Variants in EBF1 observed in about 807,000 individuals in gnomAD.
EBF1 encodes transcription factor COE1.
EBF1 carries 10 observed loss-of-function variants against 68.4 expected under a neutral mutation model. The observed-to-expected ratio is 0.15, with a 90% CI of 0.09 to 0.25. The LOEUF is 0.25. Among genes scored for constraint, EBF1 ranks in the 10% least tolerant of loss-of-function variants. The pLI is 1.00. For missense variants in EBF1, 509 were observed against 794.4 expected (o/e 0.64, Z 4.32); for synonymous variants, 298 against 299.8 (o/e 0.99, Z 0.06).
At chr5:158,720,017 G>A (rs528902119) in intron 11 of EBF1, among the ~76,000 whole-genome samples, 46 of 152,256 alleles carry the variant, frequency 3.0e-4, no homozygotes, top group African/African-American at 1.1e-3. Flanking sequence ...ACATTTCCCT[G>A]ATACCCATTT....
intron 6 of EBF1, among the ~76,000 whole-genome samples, chr5:159,064,527 C>T (rs1006037106): frequency 2.0e-5 from 3 of 152,170 alleles, no homozygotes; most frequent in African/African-American, 4.8e-5. Flanking sequence ...TATACCCCGA[C>T]GTGCTCTAAA....
intron 9 of EBF1, among the ~76,000 whole-genome samples, chr5:158,784,606 C>A (rs547831563): frequency 2.6e-5 from 4 of 152,188 alleles, no homozygotes; most frequent in African/African-American, 9.6e-5. Context: ...CAAAAAATAA[C>A]TGGGGTTACT....
intron 6 of EBF1, among the ~76,000 whole-genome samples, chr5:159,007,013 G>A (rs570434202): frequency 5.3e-5 from 8 of 152,270 alleles, no homozygotes; most frequent in South Asian, 2.1e-4. Flanking sequence ...GAAATGTACC[G>A]TTGGTGGGGG....
intron 4 of EBF1, among the ~76,000 whole-genome samples, chr5:159,093,072 G>A (rs895801561): frequency 1.3e-5 from 2 of 152,140 alleles, no homozygotes; most frequent in Non-Finnish European, 2.9e-5. Flanking sequence ...TACTCATTAA[G>A]GCTAAATATC....
At chr5:159,021,763 T>G (rs1031511186) in intron 6 of EBF1, among the ~76,000 whole-genome samples, 17 of 152,214 alleles carry the variant, frequency 1.1e-4, no homozygotes, top group African/African-American at 4.1e-4. Context: ...AGGACTGTAC[T>G]GTTGACAAAG....
At chr5:158,793,609 AG>A (rs1561943482) in intron 9 of EBF1, among the ~76,000 whole-genome samples, 3 of 152,114 alleles carry the variant, frequency 2.0e-5, no homozygotes, top group Admixed American at 6.5e-5. Flanking sequence ...TCCAGTCTCT[AG>A]TCCTATCTGG....
At chr5:158,921,084 G>A (rs1399340263) in intron 6 of EBF1, among the ~76,000 whole-genome samples, 1 of 152,188 alleles carries the variant, frequency 6.6e-6, no homozygotes, top group Non-Finnish European at 1.5e-5. Context: ...TTGGAAGCAA[G>A]CTAATGCTGC....
At chr5:158,738,942 C>T (rs952466870) in intron 10 of EBF1, among the ~76,000 whole-genome samples, 5 of 152,124 alleles carry the variant, frequency 3.3e-5, no homozygotes, top group African/African-American at 9.7e-5. Context: ...ATGAACAAGC[C>T]GTTTGGTGGC....
At chr5:158,728,765 A>G (rs1763495959) in intron 11 of EBF1, among the ~76,000 whole-genome samples, 1 of 152,030 alleles carries the variant, frequency 6.6e-6, no homozygotes, top group Non-Finnish European at 1.5e-5. Context: ...GGGTTTTGTG[A>G]TGGTACCCAG....
At chr5:158,985,922 A>G (rs1297034921) in intron 6 of EBF1, 1 of 152,466 alleles carries the variant, frequency 6.6e-6, no homozygotes, top group African/African-American at 2.4e-5. Flanking sequence ...ACTGTGCAAC[A>G]AAGCTCCTGG....
At chr5:158,761,430 T>C (rs1771422673) in intron 10 of EBF1, among the ~76,000 whole-genome samples, 1 of 152,210 alleles carries the variant, frequency 6.6e-6, no homozygotes, top group Non-Finnish European at 1.5e-5. Flanking sequence ...TTGAGTTAAT[T>C]CTATGCTTCC....
chr5:158,935,179 C>G (rs770461494), intron 6 of EBF1, among the ~76,000 whole-genome samples: 1 of 152,200 alleles, frequency 6.6e-6, no homozygotes, highest in Non-Finnish European at 1.5e-5. Context: ...TCATCCAGCT[C>G]CCCGCCCCTC....
intron 10 of EBF1, among the ~76,000 whole-genome samples, chr5:158,745,783 A>G (rs145370716): frequency 1.3e-5 from 2 of 152,330 alleles, no homozygotes; most frequent in Non-Finnish European, 2.9e-5. Context: ...GGAGAAAGTG[A>G]AAATAATGTT....
At chr5:158,896,578 C>G (rs767020181) in intron 6 of EBF1, among the ~76,000 whole-genome samples, 2 of 152,178 alleles carry the variant, frequency 1.3e-5, no homozygotes, top group Non-Finnish European at 1.5e-5. Flanking sequence ...GACCACACAG[C>G]TAAGTGGCAA....
intron 10 of EBF1, among the ~76,000 whole-genome samples, chr5:158,740,625 C>T (rs576562084): frequency 1.8e-4 from 28 of 152,298 alleles, no homozygotes; most frequent in East Asian, 3.9e-4. Context: ...GAACTTACAA[C>T]AAGTATGCCA....
intron 6 of EBF1, among the ~76,000 whole-genome samples, chr5:158,957,724 G>T (rs1414181479): frequency 6.6e-6 from 1 of 152,136 alleles, no homozygotes; most frequent in Non-Finnish European, 1.5e-5. Context: ...TCCCTATTCT[G>T]CCATGGACGC....
chr5:158,915,486 C>T (rs140621345), intron 6 of EBF1, among the ~76,000 whole-genome samples: 8 of 152,346 alleles, frequency 5.3e-5, no homozygotes, highest in African/African-American at 1.4e-4. Flanking sequence ...GGGCCATCTC[C>T]GCTTCCCTTC....
intron 6 of EBF1, among the ~76,000 whole-genome samples, chr5:158,955,168 C>CA (rs1167278151): frequency 1.3e-5 from 2 of 151,984 alleles, no homozygotes; most frequent in East Asian, 3.9e-4. Context: ...ACTAAAAATA[C>CA]AAAAATCAGC....
At chr5:158,747,227 G>A (rs762286203) in intron 10 of EBF1, among the ~76,000 whole-genome samples, 30 of 152,164 alleles carry the variant, frequency 2.0e-4, no homozygotes, top group Non-Finnish European at 3.8e-4. Context: ...CCAGTCCTCT[G>A]TGTCATTCCT....
Sources: gnomAD v4.1 joint callset for allele counts (sites outside exome capture counted in the v4.1 genomes callset) on GRCh38, gnomAD v4.1.1 for gene constraint, MANE v1.5 for transcripts, NCBI Gene and HGNC (gene_info 2026-07-23, HGNC 2026-07-21) for gene names.